Variants in BNC2 observed in about 807,000 individuals in gnomAD.
The protein encoded by BNC2 is basonuclin zinc finger protein 2.
A neutral mutation model predicts 76.3 loss-of-function variants in BNC2; 20 were observed. The ratio of observed to expected loss-of-function variants is 0.26; its 90% CI spans 0.18 to 0.38. The LOEUF (loss-of-function observed/expected upper bound fraction) is 0.38, where lower values mean the gene tolerates loss of function less well. Ranked by LOEUF, BNC2 falls within the 10% of genes least tolerant of loss-of-function variation. BNC2 has a pLI of 1.00. For missense variants in BNC2, 1,382 were observed against 1,399.8 expected, an observed-to-expected ratio of 0.99 and a Z score of 0.20; for synonymous variants, 582 against 514.8, an observed-to-expected ratio of 1.13 and a Z score of -1.77.
rs144240030 is a variant in BNC2, at chr9:16,846,256, C to G, written c.3+24390G>C. 4.9e-3 allele frequency among the ~76,000 whole-genome samples: 741 copies of G among 152,124 alleles called. 1 individual carries two copies. The highest frequency in any genetic ancestry group is 0.017 in the African/African-American group (693 of 41,514). ...AAGATGCTTCAAAGTAATACATTAACTTAATAAGAGGAAAGAAAATCCAGC... is the reference window on the plus strand; with the variant it reads ...AAGATGCTTCAAAGTAATACATTAAGTTAATAAGAGGAAAGAAAATCCAGC... On this transcript the variant is annotated intron_variant, in intron 1 of 6. Transcript: ENST00000380672.
At chr9:16,449,939 C>T (rs934466415) in intron 5 of BNC2, among the ~76,000 whole-genome samples, 14 of 151,932 alleles carry the variant, frequency 9.2e-5, no homozygotes, top group African/African-American at 2.9e-4. Flanking sequence ...AAGTATTTTC[C>T]AAGGTTCATC....
At chr9:16,660,213 G>A (rs753144562) in intron 3 of BNC2, among the ~76,000 whole-genome samples, 22 of 152,166 alleles carry the variant, frequency 1.4e-4, no homozygotes, top group Non-Finnish European at 2.2e-4. Flanking sequence ...CCAGCACTTC[G>A]GGAGGCCGAG....
In BNC2 at chr9:16,419,475, G is replaced by A. The variant is rs756354366; in HGVS notation, c.2814C>T (p.Pro938=). The A allele has an allele frequency of 2.0e-5, 33 of 1,613,956 alleles. No homozygotes were observed. The Admixed American group carries it at 3.3e-4, about 16-fold the overall frequency. ...TCAGGTGGGAGTCTTCAGTCCCTGC[G>A]GGAGAGGAGGCGTCTTCCCTGACAT... ...GLDVREDASS[P]AGTEDSHLNG... The change falls in exon 7 of 7, where the codon CCC becomes CCT. Residue 938 remains proline, a synonymous_variant. Coordinates refer to ENST00000380672, the MANE Select transcript of BNC2 (RefSeq NM_017637.6).
chr9:16,667,021 T>C (rs1822313807), intron 3 of BNC2, among the ~76,000 whole-genome samples: 3 of 152,064 alleles, frequency 2.0e-5, no homozygotes, highest in African/African-American at 7.2e-5. Context: ...GTAGGCTTCC[T>C]ATTTCCACTA....
At chr9:16,742,567 T>C (rs7869170) in intron 1 of BNC2, among the ~76,000 whole-genome samples, 137,699 of 152,244 alleles carry the variant, frequency 0.9, 62,299 homozygotes, top group Non-Finnish European at 0.92. Flanking sequence ...TACAGCCTGC[T>C]TTCCTAACAG....
chr9:16,720,798 C>A (rs1400939728), intron 3 of BNC2, among the ~76,000 whole-genome samples: 3 of 152,068 alleles, frequency 2.0e-5, no homozygotes, highest in African/African-American at 4.8e-5. Flanking sequence ...TTAAAGAAAG[C>A]TCTATGAATG....
chr9:16,664,722 AC>A (rs1371393122), intron 3 of BNC2, among the ~76,000 whole-genome samples: 2 of 151,686 alleles, frequency 1.3e-5, no homozygotes, highest in African/African-American at 4.8e-5. Context: ...ACAAAAAAAA[AC>A]AAAAACAAAA....
chr9:16,579,770 A>G (rs934148565), intron 4 of BNC2: 3 of 208,714 alleles, frequency 1.4e-5, no homozygotes, highest in Non-Finnish European at 2.8e-5. Context: ...GAAATCCAAC[A>G]TCTTAGGAAT....
At chr9:16,577,331 G>A (rs1819514268) in intron 4 of BNC2, among the ~76,000 whole-genome samples, 1 of 150,350 alleles carries the variant, frequency 6.7e-6, no homozygotes, top group Admixed American at 6.6e-5. Context: ...ATTCAACCAT[G>A]CTGAGAAAAA....
intron 3 of BNC2, among the ~76,000 whole-genome samples, chr9:16,607,895 AAC>A (rs1820428345): frequency 6.6e-6 from 1 of 152,184 alleles, no homozygotes; most frequent in Admixed American, 6.5e-5. Flanking sequence ...TTAATGTGTG[AAC>A]ACAGTTTTTA....
At chr9:16,842,936 G>C (rs546839445) in intron 1 of BNC2, among the ~76,000 whole-genome samples, 1 of 152,210 alleles carries the variant, frequency 6.6e-6, no homozygotes, top group East Asian at 1.9e-4. Flanking sequence ...ATTTTTAGTA[G>C]AGACGCAGTT....
At chr9:16,433,213 G>T (rs886414648) in intron 6 of BNC2, among the ~76,000 whole-genome samples, 1 of 152,146 alleles carries the variant, frequency 6.6e-6, no homozygotes, top group African/African-American at 2.4e-5. Flanking sequence ...CAGAACTTGT[G>T]TGTTTCTAAC....
At chr9:16,805,499 T>C (rs1817885936) in intron 1 of BNC2, among the ~76,000 whole-genome samples, 1 of 151,974 alleles carries the variant, frequency 6.6e-6, no homozygotes, top group Non-Finnish European at 1.5e-5. Flanking sequence ...GGCTAATTTT[T>C]GTATTTTTAG....
chr9:16,822,409 T>C (rs1340941333), intron 1 of BNC2, among the ~76,000 whole-genome samples: 3 of 152,116 alleles, frequency 2.0e-5, no homozygotes, highest in Non-Finnish European at 4.4e-5. Context: ...GTTATTCAAA[T>C]CCAAGTGAGT....
intron 5 of BNC2, among the ~76,000 whole-genome samples, chr9:16,469,762 A>G: frequency 6.6e-6 from 1 of 152,186 alleles, no homozygotes; most frequent in Non-Finnish European, 1.5e-5. Context: ...GCTGATAGCA[A>G]TATGGACAAT....
chr9:16,431,787 T>C (rs1820912586), intron 6 of BNC2, among the ~76,000 whole-genome samples: 1 of 152,162 alleles, frequency 6.6e-6, no homozygotes, highest in African/African-American at 2.4e-5. Flanking sequence ...TTCAGGCACG[T>C]TACATTTATC....
chr9:16,516,458 CT>C (rs1292266362), intron 5 of BNC2, among the ~76,000 whole-genome samples: 6 of 151,882 alleles, frequency 4.0e-5, no homozygotes, highest in Non-Finnish European at 8.8e-5. Context: ...CTCATGAGAC[CT>C]TCTATACCAA....
chr9:16,698,561 C>T (rs561204583), intron 3 of BNC2, among the ~76,000 whole-genome samples: 4 of 152,144 alleles, frequency 2.6e-5, no homozygotes, highest in South Asian at 4.2e-4. Flanking sequence ...GGCGTGGTGG[C>T]GCATGCCTGT....
chr9:16,751,644 ATGTGTG>A (rs1170412187), intron 1 of BNC2, among the ~76,000 whole-genome samples: 1 of 13,030 alleles, frequency 7.7e-5, no homozygotes. Flanking sequence ...GTATATATGT[ATGTGTG>A]TATATATATA....
Sources: gnomAD v4.1 joint callset for allele counts (sites outside exome capture counted in the v4.1 genomes callset) on GRCh38, gnomAD v4.1.1 for gene constraint, MANE v1.5 for transcripts, NCBI Gene and HGNC (gene_info 2026-07-23, HGNC 2026-07-21) for gene names.